Variants in ZXDC observed in about 807,000 individuals in gnomAD.
ZXDC encodes the protein ZXD family zinc finger C.
ZXDC carries 58 observed loss-of-function variants against 63.6 expected under a neutral mutation model. The ratio of observed to expected loss-of-function variants is 0.91; its 90% CI spans 0.74 to 1.13. The LOEUF (loss-of-function observed/expected upper bound fraction) is 1.13, where lower values mean the gene tolerates loss of function less well. ZXDC is among the 50% of genes most tolerant of loss of function. ZXDC has a pLI of 0.00. For missense variants in ZXDC, 1,133 were observed against 1,148.9 expected (o/e 0.99, Z 0.20); for synonymous variants, 561 against 496.1 (o/e 1.13, Z -1.74).
intron 4 of ZXDC, among the ~76,000 whole-genome samples, chr3:126,467,113 G>C (rs1199381544): frequency 5.9e-5 from 9 of 152,150 alleles, no homozygotes; most frequent in Non-Finnish European, 2.9e-5. Context: ...GCAAGCAGCA[G>C]AGGAAACCAC....
intron 4 of ZXDC, among the ~76,000 whole-genome samples, chr3:126,469,530 G>A (rs961246929): frequency 2.6e-5 from 4 of 151,868 alleles, no homozygotes; most frequent in Admixed American, 1.3e-4. Context: ...TAAGGCCCCC[G>A]TCCAGGCCAT....
At chr3:126,467,018 G>A (rs1220732108) in intron 4 of ZXDC, among the ~76,000 whole-genome samples, 3 of 152,182 alleles carry the variant, frequency 2.0e-5, no homozygotes, top group Admixed American at 2.0e-4. Context: ...TTGGCGGTCA[G>A]AGGCCTATGA....
intron 7 of ZXDC, among the ~76,000 whole-genome samples, chr3:126,445,356 G>A (rs1933842837): frequency 6.6e-6 from 1 of 152,082 alleles, no homozygotes; most frequent in South Asian, 2.1e-4. Context: ...TGTACCTCAA[G>A]CAGAACATCT....
At chr3:126,450,931 G>A (rs976479491) in intron 7 of ZXDC, among the ~76,000 whole-genome samples, 2 of 152,174 alleles carry the variant, frequency 1.3e-5, no homozygotes, top group Admixed American at 6.5e-5. Context: ...GGCTCAGGGG[G>A]TCCCGGGGTG....
intron 4 of ZXDC, among the ~76,000 whole-genome samples, chr3:126,469,933 C>T (rs1438002272): frequency 1.3e-5 from 2 of 152,198 alleles, no homozygotes; most frequent in African/African-American, 4.8e-5. Flanking sequence ...ATTCTCTCTT[C>T]CAGGTAAGGA....
rs971595189 is a variant in ZXDC, at chr3:126,441,458, G to A, written c.2394+307C>T. On this transcript the variant is annotated intron_variant, in intron 8 of 9. Transcript: ENST00000389709. ...ATCCTGCTGCAAAACAGCCCTGGGG[G>A]CCTCGGGCAGGGAGGCGGGCTACTC... 4.3e-6 allele frequency: 5 copies of A among 1,167,282 alleles called. No individual in the cohort carries two copies. In the African/African-American group the frequency reaches 4.8e-5, roughly 11 times the overall value. The allele number at this position is 1,167,282 out of a possible 1,614,324, so 72.3% of individuals were successfully genotyped here.
At chr3:126,440,437 G>A (rs1274976045) in intron 8 of ZXDC, 5 of 985,090 alleles carry the variant, frequency 5.1e-6, no homozygotes, top group East Asian at 2.3e-4. Context: ...CCAAGACTAC[G>A]CTAGCTGGTA....
At chr3:126,439,860 C>G in intron 8 of ZXDC, 133 bp from the exon 9 acceptor site, 1 of 1,441,638 alleles carries the variant, frequency 6.9e-7, no homozygotes, top group Non-Finnish European at 9.1e-7. Context: ...CAAGGGAGGC[C>G]CGAGGACCCA....
intron 7 of ZXDC, among the ~76,000 whole-genome samples, chr3:126,455,592 A>T (rs1934274038): frequency 1.3e-5 from 2 of 152,244 alleles, no homozygotes; most frequent in South Asian, 4.1e-4. Context: ...GAGAATGTTG[A>T]TGGGGCACAA....
intron 8 of ZXDC, chr3:126,440,594 T>C (rs1463212758): frequency 7.1e-6 from 7 of 986,026 alleles, no homozygotes; most frequent in Non-Finnish European, 8.4e-6. Context: ...ACCTCTGCCC[T>C]GCCAGCTGAG....
At chr3:126,472,734 CCTTGGGGGTGATGCTG>C (rs1254827784) in intron 1 of ZXDC, among the ~76,000 whole-genome samples, 1 of 152,144 alleles carries the variant, frequency 6.6e-6, no homozygotes, top group East Asian at 1.9e-4. Context: ...ATTTTTCACC[CCTTGGGGGTGATGCTG>C]CATCCTCTAC....
chr3:126,460,018 A>G (rs1934462774), intron 6 of ZXDC: 1 of 985,320 alleles, frequency 1.0e-6, no homozygotes. Context: ...GAAACTTTTA[A>G]AATCAATTAC....
intron 1 of ZXDC, among the ~76,000 whole-genome samples, chr3:126,474,041 G>A (rs1935079385): frequency 6.6e-6 from 1 of 151,800 alleles, no homozygotes; most frequent in Admixed American, 6.6e-5. Context: ...TCAACACACA[G>A]GAGAAAGAAC....
intron 5 of ZXDC, among the ~76,000 whole-genome samples, chr3:126,464,414 A>G (rs1316801797): frequency 6.6e-6 from 1 of 152,076 alleles, no homozygotes; most frequent in East Asian, 1.9e-4. Flanking sequence ...GAAACAACCC[A>G]TTGAGGGCGT....
intron 1 of ZXDC, among the ~76,000 whole-genome samples, chr3:126,474,241 G>GT (rs1325522284): frequency 2.0e-5 from 3 of 151,834 alleles, no homozygotes; most frequent in African/African-American, 7.3e-5. Context: ...ATTTTTTGTA[G>GT]TTTTAATAGA....
In ZXDC at chr3:126,475,690, G is replaced by A; in HGVS notation, c.176C>T (p.Ser59Phe). ...CTCGGCGGGCGGCGGGCTTGGCCCG[G>A]AGGCCTCCCCGGGCCGCGCCCCGGG... ...GGPGARPGEA[S>F]GPSPPPAEDD... Residue 59 changes from serine (S) to phenylalanine (F), a missense_variant, in exon 1 of 10, where the codon TCC becomes TTC. Coordinates refer to ENST00000389709, the MANE Select transcript of ZXDC (RefSeq NM_025112.5). The A allele has an allele frequency of 1.5e-6, 2 of 1,339,994 alleles. No individual in the cohort carries two copies. The highest frequency in any genetic ancestry group is 1.9e-6 in the Non-Finnish European group (2 of 1,044,612). 83.0% of individuals were successfully genotyped at this position (1,339,994 alleles called of 1,614,324 possible).
At chr3:126,444,267 T>C (rs550152605) in intron 7 of ZXDC, among the ~76,000 whole-genome samples, 3 of 152,232 alleles carry the variant, frequency 2.0e-5, no homozygotes, top group Non-Finnish European at 4.4e-5. Context: ...GCGCAGTGGC[T>C]CACGCCTGTA....
intron 7 of ZXDC, among the ~76,000 whole-genome samples, chr3:126,447,567 C>CA (rs1160690692): frequency 6.6e-6 from 1 of 152,136 alleles, no homozygotes; most frequent in Non-Finnish European, 1.5e-5. Flanking sequence ...ATAAAAGTGT[C>CA]AAATAGATTG....
chr3:126,474,062 C>CTTTTT (rs796761643), intron 1 of ZXDC, among the ~76,000 whole-genome samples: 1 of 129,910 alleles, frequency 7.7e-6, no homozygotes, highest in African/African-American at 3.1e-5. Flanking sequence ...AGGCAGTGGA[C>CTTTTT]TTTTTTTTTT....
Sources: gnomAD v4.1 joint callset for allele counts (sites outside exome capture counted in the v4.1 genomes callset) on GRCh38, gnomAD v4.1.1 for gene constraint, MANE v1.5 for transcripts, NCBI Gene and HGNC (gene_info 2026-07-23, HGNC 2026-07-21) for gene names.